CPNE5: variants seen among roughly 807,000 people sequenced by gnomAD.
The protein encoded by CPNE5 is copine 5.
CPNE5 carries 42 observed loss-of-function variants against 81.1 expected under a neutral mutation model. The ratio of observed to expected loss-of-function variants is 0.52; its 90% CI spans 0.40 to 0.67. The LOEUF is 0.67. CPNE5 is among the 30% of genes least tolerant of loss of function. The probability of loss-of-function intolerance (pLI) is 0.00; values close to 1 mark genes in which losing one functional copy is unlikely to be tolerated. For synonymous variants in CPNE5, 313 were observed against 321.5 expected (o/e 0.97, Z 0.28); for missense variants, 612 against 815.5 (o/e 0.75, Z 3.04).
chr6:36,745,912 G>T (rs1764106601), intron 16 of CPNE5, among the ~76,000 whole-genome samples: 6 of 152,186 alleles, frequency 3.9e-5, no homozygotes, highest in Admixed American at 3.9e-4. Flanking sequence ...GCATGGGAGG[G>T]ACGTCTGCTG....
chr6:36,807,799 C>T (rs1770732148), intron 3 of CPNE5, among the ~76,000 whole-genome samples: 1 of 152,192 alleles, frequency 6.6e-6, no homozygotes, highest in African/African-American at 2.4e-5. Context: ...CCAGGCCCTA[C>T]TCTCCCTACG....
chr6:36,763,558 G>A (rs1193122889), intron 11 of CPNE5, among the ~76,000 whole-genome samples: 1 of 145,314 alleles, frequency 6.9e-6, no homozygotes, highest in Admixed American at 7.1e-5. Flanking sequence ...AGCTGAGATT[G>A]TGTCACTGCA....
intron 13 of CPNE5, chr6:36,755,867 C>T (rs1418147478): frequency 4.1e-6 from 1 of 241,392 alleles, no homozygotes; most frequent in Non-Finnish European, 8.1e-6. Flanking sequence ...TTGGTTTCCT[C>T]TTTCATGACT....
At chr6:36,744,928 G>T in intron 18 of CPNE5, 120 bp downstream of exon 18, 3 of 710,524 alleles carry the variant, frequency 4.2e-6, no homozygotes, top group South Asian at 1.7e-5. Flanking sequence ...GAGAAGCCAC[G>T]CCCAAGTCAT....
rs571005510 is a variant in CPNE5 at position 36,792,290 on chromosome 6, G to T, written c.465-194C>A. On this transcript the variant is annotated intron_variant, in intron 7 of 20. Transcript: ENST00000244751. Reference sequence around the variant, plus strand: ...GCCTAGTGCACTGCTTCCTGGGACCGGGTCCCCGAGCCTGGAGCTGCCCCA... The same window carrying T: ...GCCTAGTGCACTGCTTCCTGGGACCTGGTCCCCGAGCCTGGAGCTGCCCCA... 1.3e-3 allele frequency: 1,935 copies of T among 1,470,702 alleles called. 3 individuals are homozygous for T. Among genetic ancestry groups the T allele is most frequent in the Non-Finnish European group, 1.4e-3 (1,574 of 1,090,084 alleles). 91.1% of individuals were successfully genotyped at this position (1,470,702 alleles called of 1,614,324 possible).
At position 36,741,021 on chromosome 6, in the gene CPNE5, TG is replaced by T. The variant is rs1485213746; in HGVS notation, c.*1246del. 6.6e-6 allele frequency: 1 copy of T among 152,326 alleles called. No individual in the cohort carries two copies. Among genetic ancestry groups the T allele is most frequent in the Non-Finnish European group, 1.5e-5 (1 of 68,084 alleles). The allele number at this position is 152,326 out of a possible 1,614,324, so 9.4% of individuals were successfully genotyped here. A position where few individuals can be genotyped will look rare whatever the true frequency, so the allele number is the denominator to read the frequency against. The stretch of plus-strand genomic sequence containing the variant: ...CCCGAGTGGGCAAAGGCTGGGCAGC[TG>T]GGTGGGCCCGGGAGGGAGATCCCCT... On this transcript the variant is annotated 3_prime_UTR_variant, in exon 21 of 21. Transcript: ENST00000244751.
intron 10 of CPNE5, among the ~76,000 whole-genome samples, chr6:36,767,224 A>G (rs1309206744): frequency 6.6e-6 from 1 of 152,164 alleles, no homozygotes; most frequent in Non-Finnish European, 1.5e-5. Context: ...GGGCTTTGCA[A>G]CTTCTGATTC....
chr6:36,829,754 AGTGAGCCGAGATCAC>A (rs372525135), intron 1 of CPNE5, among the ~76,000 whole-genome samples: 21 of 143,076 alleles, frequency 1.5e-4, no homozygotes, highest in African/African-American at 5.1e-4. Context: ...CAGAGGTTGC[AGTGAGCCGAGATCAC>A]GTCACTGCAT....
At chr6:36,751,341 T>A (rs1764800814) in intron 14 of CPNE5, among the ~76,000 whole-genome samples, 2 of 152,224 alleles carry the variant, frequency 1.3e-5, no homozygotes, top group African/African-American at 2.4e-5. Context: ...CTAGACTGAT[T>A]CATTACTATA....
At chr6:36,790,909 A>T (rs1561789594) in intron 8 of CPNE5, among the ~76,000 whole-genome samples, 1 of 152,198 alleles carries the variant, frequency 6.6e-6, no homozygotes, top group Non-Finnish European at 1.5e-5. Context: ...TAAAGGAATT[A>T]AATTATTTTT....
chr6:36,815,726 CATTCAGAAT>C, intron 3 of CPNE5, among the ~76,000 whole-genome samples: 1 of 152,370 alleles, frequency 6.6e-6, no homozygotes, highest in Non-Finnish European at 1.5e-5. Context: ...CGAGGAAGAT[CATTCAGAAT>C]ATTTAGAGAT....
chr6:36,759,473 C>T (rs1315327052), intron 12 of CPNE5, among the ~76,000 whole-genome samples: 1 of 151,362 alleles, frequency 6.6e-6, no homozygotes, highest in African/African-American at 2.4e-5. Flanking sequence ...GGTGGGGGCA[C>T]TGAGGGGCTC....
At chr6:36,819,455 A>G (rs568610920) in intron 3 of CPNE5, among the ~76,000 whole-genome samples, 2 of 152,080 alleles carry the variant, frequency 1.3e-5, no homozygotes, top group African/African-American at 4.8e-5. Context: ...AACTTCCCAC[A>G]TGTTTCATGA....
chr6:36,825,721 T>C (rs1358567409), intron 1 of CPNE5, among the ~76,000 whole-genome samples: 1 of 152,152 alleles, frequency 6.6e-6, no homozygotes, highest in Admixed American at 6.5e-5. Flanking sequence ...GGGCCGACAT[T>C]CTCATCCTGA....
intron 8 of CPNE5, among the ~76,000 whole-genome samples, chr6:36,779,960 C>T (rs1276557514): frequency 2.1e-5 from 3 of 142,308 alleles, no homozygotes; most frequent in Admixed American, 7.1e-5. Context: ...CACACATCCC[C>T]CCTTCCTATT....
intron 3 of CPNE5, among the ~76,000 whole-genome samples, chr6:36,819,288 TG>T (rs1771832234): frequency 6.6e-6 from 1 of 152,182 alleles, no homozygotes. Context: ...TTAGTAGAGA[TG>T]GGGTTTCTCC....
intron 6 of CPNE5, among the ~76,000 whole-genome samples, chr6:36,797,108 T>C (rs889866201): frequency 5.3e-5 from 8 of 152,244 alleles, no homozygotes; most frequent in African/African-American, 1.9e-4. Flanking sequence ...GGTTGCACCA[T>C]GTTGGCCAAG....
intron 1 of CPNE5, among the ~76,000 whole-genome samples, chr6:36,833,325 G>C (rs747426504): frequency 1.3e-5 from 2 of 152,222 alleles, no homozygotes; most frequent in Non-Finnish European, 2.9e-5. Flanking sequence ...GTGATTGGCA[G>C]AAATATAAGA....
intron 10 of CPNE5, among the ~76,000 whole-genome samples, chr6:36,774,619 C>T (rs1427444665): frequency 6.6e-6 from 1 of 152,250 alleles, no homozygotes; most frequent in Non-Finnish European, 1.5e-5. Flanking sequence ...ACCCGGGACA[C>T]CCATCTGGGT....
Sources: allele counts gnomAD v4.1 joint callset (sites outside exome capture counted in the v4.1 genomes callset), GRCh38; gene constraint gnomAD v4.1.1; transcripts MANE v1.5; gene names NCBI Gene and HGNC (gene_info 2026-07-23, HGNC 2026-07-21).